The following TEX14 variants were observed in gnomAD, a reference collection of about 807,000 sequenced individuals.
The protein encoded by TEX14 is testis expressed 14, intercellular bridge forming factor.
A neutral mutation model predicts 178.6 loss-of-function variants in TEX14; 168 were observed. The observed-to-expected ratio is 0.94, with a 90% CI of 0.83 to 1.07. The LOEUF is 1.07. TEX14 is among the 50% of genes least tolerant of loss of function. TEX14 has a pLI of 0.00. For synonymous variants in TEX14, 626 were observed against 634.1 expected (o/e 0.99, Z 0.19); for missense variants, 1,730 against 1,753.6 (o/e 0.99, Z 0.24).
At chr17:58,579,554 G>C (rs2044760340) in intron 20 of TEX14, 111 bp downstream of exon 20, 1 of 872,968 alleles carries the variant, frequency 1.1e-6, no homozygotes, top group Non-Finnish European at 1.9e-6. Context: ...TATAATGAAA[G>C]GTTTGGACGA....
chr17:58,575,800 G>A (rs1474091495), intron 21 of TEX14, among the ~76,000 whole-genome samples: 1 of 152,216 alleles, frequency 6.6e-6, no homozygotes, highest in Non-Finnish European at 1.5e-5. Flanking sequence ...ACATGAAGCA[G>A]GAGCAAAGAA....
chr17:58,659,205 T>C (rs200072165), intron 1 of TEX14: 12 of 271,982 alleles, frequency 4.4e-5, no homozygotes, highest in East Asian at 1.8e-4. Flanking sequence ...CCGAGTTTTC[T>C]CATTCGGGGA....
intron 1 of TEX14, among the ~76,000 whole-genome samples, chr17:58,656,734 A>G (rs1213643716): frequency 6.8e-6 from 1 of 146,798 alleles, no homozygotes; most frequent in Non-Finnish European, 1.5e-5. Context: ...AGCCTAGGCA[A>G]CACAGGGACT....
In TEX14 at chr17:58,574,211, G is replaced by A; in HGVS notation, c.3359C>T (p.Pro1120Leu). Residue 1120 changes from proline (P) to leucine (L), a missense_variant, in exon 22 of 32, where the codon CCA becomes CTA. Physicochemically the swap from Pro to Leu is moderately conservative, Grantham distance 98 (BLOSUM62 -3). Transcript: ENST00000349033. ...DEQEETSKESPKELKEKDISL... is the reference protein window; with the variant it reads ...DEQEETSKESLKELKEKDISL... Reference sequence around the variant, plus strand: ...CATGTCTTTCTCTTTCAGTTCCTTTGGTGACTCCTTTGATGTCTCTTCTTG... The same window carrying A: ...CATGTCTTTCTCTTTCAGTTCCTTTAGTGACTCCTTTGATGTCTCTTCTTG... The A allele has an allele frequency of 6.2e-7, 1 of 1,613,448 alleles. No individual in the cohort carries two copies. The highest frequency in any genetic ancestry group is 8.5e-7 in the Non-Finnish European group (1 of 1,179,530).
intron 10 of TEX14, among the ~76,000 whole-genome samples, chr17:58,607,788 GAACCATTTTA>G (rs1334568800): frequency 6.6e-6 from 1 of 152,210 alleles, no homozygotes; most frequent in Non-Finnish European, 1.5e-5. Context: ...ACCCTGCTCT[GAACCATTTTA>G]AGTTTTTCCT....
chr17:58,591,093 C>T (rs2045126541), intron 15 of TEX14, among the ~76,000 whole-genome samples: 1 of 152,138 alleles, frequency 6.6e-6, no homozygotes, highest in Admixed American at 6.6e-5. Context: ...GCCACAACAA[C>T]TATGGGTTTT....
At chr17:58,635,422 TTC>T in intron 2 of TEX14, among the ~76,000 whole-genome samples, 1 of 149,144 alleles carries the variant, frequency 6.7e-6, no homozygotes, top group South Asian at 2.1e-4. Flanking sequence ...CTCCAAGGGC[TTC>T]TCTCTTTTTT....
At chr17:58,596,096 T>G (rs1477521530) in intron 14 of TEX14, among the ~76,000 whole-genome samples, 1 of 151,854 alleles carries the variant, frequency 6.6e-6, no homozygotes, top group Middle Eastern at 3.2e-3. Flanking sequence ...GGCAGAAGAA[T>G]CGCTTGAACC....
chr17:58,665,811 C>G (rs565606991), intron 1 of TEX14, among the ~76,000 whole-genome samples: 1 of 151,562 alleles, frequency 6.6e-6, no homozygotes, highest in Non-Finnish European at 1.5e-5. Flanking sequence ...TTTGGGAGGC[C>G]GAGGAGGGTG....
chr17:58,608,663 A>G (rs1270016870), intron 10 of TEX14, among the ~76,000 whole-genome samples: 1 of 152,258 alleles, frequency 6.6e-6, no homozygotes, highest in Non-Finnish European at 1.5e-5. Context: ...GCACAGACAC[A>G]CTTGTATAAA....
rs1478256468 is a variant in TEX14, at chr17:58,692,029, G to A, written c.-92C>T. The stretch of plus-strand genomic sequence containing the variant: ...CGGGATACGACTCCCGGGAAGACGT[G>A]GGTGGGTGCGGGGAATGCGGACTGA... On this transcript the variant is annotated 5_prime_UTR_variant, in exon 1 of 32. Transcript: ENST00000349033. 2 of 153,418 alleles carry A rather than the reference G, an allele frequency of 1.3e-5. No individual in the cohort carries two copies. The highest frequency in any genetic ancestry group is 2.4e-5 in the African/African-American group (1 of 41,226). 9.5% of individuals were successfully genotyped at this position (153,418 alleles called of 1,614,324 possible).
chr17:58,576,391 G>A (rs1458999652), intron 21 of TEX14, among the ~76,000 whole-genome samples: 1 of 152,202 alleles, frequency 6.6e-6, no homozygotes, highest in Non-Finnish European at 1.5e-5. Flanking sequence ...GGCTGGGGCA[G>A]GAGAATCACT....
intron 10 of TEX14, among the ~76,000 whole-genome samples, chr17:58,608,156 G>A (rs973749014): frequency 3.9e-5 from 6 of 152,072 alleles, no homozygotes; most frequent in East Asian, 1.9e-4. Context: ...AGGGGCTCAC[G>A]CCTGTATTCC....
intron 2 of TEX14, among the ~76,000 whole-genome samples, chr17:58,645,442 T>C (rs2143186488): frequency 6.6e-6 from 1 of 152,090 alleles, no homozygotes; most frequent in Admixed American, 6.6e-5. Flanking sequence ...CACTGCAAGC[T>C]CCGCCTCCCG....
chr17:58,667,230 C>T (rs1299681208), intron 1 of TEX14, among the ~76,000 whole-genome samples: 1 of 152,172 alleles, frequency 6.6e-6, no homozygotes, highest in East Asian at 1.9e-4. Flanking sequence ...GCAGGCTGTA[C>T]TGCAGAGTGG....
At position 58,659,297 on chromosome 17, in the gene TEX14, C is replaced by T. The variant is rs546380634; in HGVS notation, c.-1-7295G>A. The T allele has an allele frequency of 2.4e-4, 231 of 968,298 alleles. 1 individual carries two copies. In the African/African-American group the frequency reaches 2.5e-3, roughly 11 times the overall value. 60.0% of individuals were successfully genotyped at this position (968,298 alleles called of 1,614,324 possible). A position where few individuals can be genotyped will look rare whatever the true frequency, so the allele number is the denominator to read the frequency against. On this transcript the variant is annotated intron_variant, in intron 1 of 31. Transcript: ENST00000349033. ...GACCAACAGCGTCTCTCCCCCGCCACAAAGACATTATTTACTTAATATTGC... is the reference window on the plus strand; with the variant it reads ...GACCAACAGCGTCTCTCCCCCGCCATAAAGACATTATTTACTTAATATTGC...
chr17:58,584,684 G>A, intron 18 of TEX14, 84 bp from the exon 19 acceptor site: 1 of 1,100,180 alleles, frequency 9.1e-7, no homozygotes, highest in Admixed American at 1.7e-5. Flanking sequence ...CATGAAAGAA[G>A]AGATGTATAC....
At chr17:58,676,384 A>C (rs761195182) in intron 1 of TEX14, among the ~76,000 whole-genome samples, 7 of 151,030 alleles carry the variant, frequency 4.6e-5, no homozygotes, top group Non-Finnish European at 7.4e-5. Flanking sequence ...CTCAAAAAAA[A>C]CCAAAAAAAC....
At chr17:58,690,071 G>C (rs150534425) in intron 1 of TEX14, among the ~76,000 whole-genome samples, 1 of 151,872 alleles carries the variant, frequency 6.6e-6, no homozygotes, top group African/African-American at 2.4e-5. Flanking sequence ...GGATGGTCTC[G>C]ATCTCCTGAC....
Sources: gnomAD v4.1 joint callset for allele counts (sites outside exome capture counted in the v4.1 genomes callset) on GRCh38, gnomAD v4.1.1 for gene constraint, MANE v1.5 for transcripts, NCBI Gene and HGNC (gene_info 2026-07-23, HGNC 2026-07-21) for gene names.